The following BMP2 variants were observed in gnomAD, a reference collection of about 807,000 sequenced individuals.
BMP2 encodes bone morphogenetic protein 2A.
In BMP2, 2 loss-of-function variants were observed where a neutral mutation model predicts 28.8. The observed-to-expected ratio is 0.07, with a 90% CI of 0.03 to 0.22. The LOEUF (loss-of-function observed/expected upper bound fraction) is 0.22. Ranked by LOEUF, BMP2 falls within the 10% of genes least tolerant of loss-of-function variation. The probability of loss-of-function intolerance (pLI) is 1.00; values close to 1 mark genes in which losing one functional copy is unlikely to be tolerated. For synonymous variants in BMP2, 218 were observed against 204.3 expected, an observed-to-expected ratio of 1.07 and a Z score of -0.57; for missense variants, 437 against 517.7, an observed-to-expected ratio of 0.84 and a Z score of 1.51.
Position 6,779,076 on chromosome 20 carries a change from G to T in BMP2, c.1178G>T (p.Cys393Phe). 1 of 1,603,218 alleles carries T rather than the reference G, an allele frequency of 6.2e-7. No homozygotes were observed. The highest frequency in any genetic ancestry group is 1.7e-4 in the Middle Eastern group (1 of 6,010). Residue 393 changes from cysteine (C) to phenylalanine (F), a missense_variant, in exon 3 of 3, where the codon TGT (cysteine) becomes TTT (phenylalanine). Around this residue, in one of 2 missense-constraint regions of BMP2, gnomAD observed 74 missense variants for 124.9 expected, o/e 0.59. Transcript: ENST00000378827. ...TATCAGGACATGGTTGTGGAGGGTTGTGGGTGTCGCTAGTACAGCAAAATT... is the reference window on the plus strand; with the variant it reads ...TATCAGGACATGGTTGTGGAGGGTTTTGGGTGTCGCTAGTACAGCAAAATT... The part of the protein sequence containing the change: ...KNYQDMVVEG[C>F]GCR
chr20:6,778,788 A>G lies in BMP2; in HGVS notation c.890A>G (p.Lys297Arg). The G allele has an allele frequency of 6.2e-7, 1 of 1,614,226 alleles. No individual in the cohort carries two copies. The highest frequency in any genetic ancestry group is 1.1e-5 in the South Asian group (1 of 91,086). Reference sequence around the variant, plus strand: ...CGGAAACGCCTTAAGTCCAGCTGTAAGAGACACCCTTTGTACGTGGACTTC... The same window carrying G: ...CGGAAACGCCTTAAGTCCAGCTGTAGGAGACACCCTTTGTACGTGGACTTC... ...KQRKRLKSSC[K>R]RHPLYVDFSD... Residue 297 changes from lysine to arginine, a missense_variant, in exon 3 of 3, where the codon AAG becomes AGG. Around this residue, in one of 2 missense-constraint regions of BMP2, gnomAD observed 363 missense variants for 392.8 expected, o/e 0.92. Coordinates refer to ENST00000378827, the MANE Select transcript of BMP2 (RefSeq NM_001200.4). This position sits in a 1 kb window ranked among gnomAD's most constrained non-coding sequence, Gnocchi z 5.0.
intron 2 of BMP2, among the ~76,000 whole-genome samples, chr20:6,771,143 C>G (rs140485498): frequency 6.6e-6 from 1 of 151,942 alleles, no homozygotes; most frequent in Non-Finnish European, 1.5e-5. Context: ...CAGATAAAAG[C>G]GTTTGTAGCA....
Position 6,779,032 on chromosome 20 carries a change from A to T in BMP2, c.1134A>T (p.Glu378Asp). 6.2e-7 allele frequency: 1 copy of T among 1,613,606 alleles called. No individual in the cohort carries two copies. Among genetic ancestry groups the T allele is most frequent in the Non-Finnish European group, 8.5e-7 (1 of 1,179,924 alleles). Residue 378 changes from glutamate to aspartate, a missense_variant, in exon 3 of 3, where the codon GAA becomes GAT. This residue lies in a region of BMP2 where 74 missense variants were observed against 124.9 expected (regional missense o/e 0.59). Coordinates refer to ENST00000378827, the MANE Select transcript of BMP2 (RefSeq NM_001200.4). ...AISMLYLDEN[E>D]KVVLKNYQDM... ...CGATGCTGTACCTTGACGAGAATGAAAAGGTTGTATTAAAGAACTATCAGG... is the reference window on the plus strand; with the variant it reads ...CGATGCTGTACCTTGACGAGAATGATAAGGTTGTATTAAAGAACTATCAGG...
chr20:6,777,661 A>G lies in BMP2; in HGVS notation c.347-584A>G, dbSNP rs566137621. Among the ~76,000 whole-genome samples, 4 of 152,284 alleles carry G rather than the reference A, an allele frequency of 2.6e-5. No homozygotes were observed. In the South Asian group the frequency reaches 8.3e-4, roughly 32 times the overall value. ...GCCTTTGTCTCTGGACTTTTGAGTA[A>G]AATAGTAGGGTGTGCTTTGCAAAAT... On this transcript the variant is annotated intron_variant, in intron 2 of 2. Coordinates refer to ENST00000378827, the MANE Select transcript of BMP2 (RefSeq NM_001200.4).
rs897645620 is a variant in BMP2 at position 6,779,284 on chromosome 20, A to G, written c.*195A>G. The stretch of plus-strand genomic sequence containing the variant: ...ATATCTACGAAAAGAAGTTGGGAAA[A>G]CAAATATTTTAATCAGAGAATTATT... On this transcript the variant is annotated 3_prime_UTR_variant, in exon 3 of 3. Coordinates refer to ENST00000378827, the MANE Select transcript of BMP2 (RefSeq NM_001200.4). The G allele has an allele frequency of 3.4e-4, 68 of 197,390 alleles. No individual in the cohort carries two copies. The highest frequency in any genetic ancestry group is 1.5e-3 in the African/African-American group (66 of 42,846). The allele number at this position is 197,390 out of a possible 1,614,324, so 12.2% of individuals were successfully genotyped here. A position where few individuals can be genotyped will look rare whatever the true frequency, so the allele number is the denominator to read the frequency against.
intron 2 of BMP2, among the ~76,000 whole-genome samples, chr20:6,777,750 T>C (rs1986528745): frequency 6.6e-6 from 1 of 152,228 alleles, no homozygotes; most frequent in South Asian, 2.1e-4. Context: ...TATCGAGATT[T>C]GTAAATCATC....
At chr20:6,772,433 A>G (rs1023248607) in intron 2 of BMP2, among the ~76,000 whole-genome samples, 2 of 152,234 alleles carry the variant, frequency 1.3e-5, no homozygotes, top group African/African-American at 4.8e-5. Flanking sequence ...CATTATGACT[A>G]ATATATCATC....
In BMP2 at chr20:6,778,540, G is replaced by A. The variant is rs755006479; in HGVS notation, c.642G>A (p.Met214Ile). 1 of 1,614,198 alleles carries A rather than the reference G, an allele frequency of 6.2e-7. No homozygotes were observed. The highest frequency in any genetic ancestry group is 1.7e-5 in the Admixed American group (1 of 60,032). ...WESFDVTPAVMRWTAQGHANH... is the reference protein window; with the variant it reads ...WESFDVTPAVIRWTAQGHANH... ...GTTTTGATGTCACCCCCGCTGTGATGCGGTGGACTGCACAGGGACACGCCA... is the reference window on the plus strand; with the variant it reads ...GTTTTGATGTCACCCCCGCTGTGATACGGTGGACTGCACAGGGACACGCCA... The change falls in exon 3 of 3, where the codon ATG becomes ATA. Residue 214 changes from methionine (M) to isoleucine (I), a missense_variant. Met to Ile is a conservative substitution (Grantham distance 10). Transcript: ENST00000378827. This position sits in a 1 kb window ranked among gnomAD's most constrained non-coding sequence, Gnocchi z 5.0.
intron 2 of BMP2, among the ~76,000 whole-genome samples, chr20:6,770,811 A>C (rs1377094886): frequency 1.3e-5 from 2 of 152,174 alleles, no homozygotes; most frequent in African/African-American, 4.8e-5. Context: ...CACAGAGGGA[A>C]AAGGAGAAAA....
In BMP2 at chr20:6,778,231, C is replaced by T. The variant is rs777412859; in HGVS notation, c.347-14C>T. The T allele has an allele frequency of 6.4e-7, 1 of 1,558,824 alleles. No homozygotes were observed. Among genetic ancestry groups the T allele is most frequent in the Admixed American group, 2.1e-5 (1 of 47,294 alleles). ...CTTTTCTTTTTTCTTCCCTGTTTTTCTCTATCAAATTAGAATCTTTGGAAG... is the reference window on the plus strand; with the variant it reads ...CTTTTCTTTTTTCTTCCCTGTTTTTTTCTATCAAATTAGAATCTTTGGAAG... On this transcript the variant is annotated splice_polypyrimidine_tract_variant and intron_variant, in intron 2 of 2. Transcript: ENST00000378827. This position sits in a 1 kb window ranked among gnomAD's most constrained non-coding sequence, Gnocchi z 5.0.
Position 6,768,183 on chromosome 20 carries a change from C to G in BMP2, c.-700C>G, listed in dbSNP as rs1986293880. Reference sequence around the variant, plus strand: ...CGGCGGCCCGGGACTCGGCTCGACTCGCCGGAGAATGCGCCCGAGGACGAC... The same window carrying G: ...CGGCGGCCCGGGACTCGGCTCGACTGGCCGGAGAATGCGCCCGAGGACGAC... On this transcript the variant is annotated 5_prime_UTR_variant, in exon 1 of 3. Coordinates refer to ENST00000378827, the MANE Select transcript of BMP2 (RefSeq NM_001200.4). The G allele has an allele frequency of 1.0e-5, 4 of 398,136 alleles. No homozygotes were observed. Among genetic ancestry groups the G allele is most frequent in the Non-Finnish European group, 1.8e-5 (4 of 225,920 alleles). 24.7% of individuals were successfully genotyped at this position (398,136 alleles called of 1,614,324 possible).
rs1422008799 is a variant in BMP2 at position 6,767,934 on chromosome 20, AGCGCCGTG to A, written c.-946_-939del. ...TGGAGCACCCGGCAGAGCGCGCCACAGCGCCGTGGCCTCTGCTGCCCGGGCTGCGCCAG... is the reference window on the plus strand; with the variant it reads ...TGGAGCACCCGGCAGAGCGCGCCACAGCCTCTGCTGCCCGGGCTGCGCCAG... On this transcript the variant is annotated 5_prime_UTR_variant, in exon 1 of 3. Transcript: ENST00000378827. The A allele has an allele frequency of 2.6e-6, 1 of 390,722 alleles. No homozygotes were observed. Among genetic ancestry groups the A allele is most frequent in the East Asian group, 3.6e-5 (1 of 27,440 alleles). The allele number at this position is 390,722 out of a possible 1,614,324, so 24.2% of individuals were successfully genotyped here.
intron 2 of BMP2, among the ~76,000 whole-genome samples, chr20:6,775,343 C>T (rs973602527): frequency 2.0e-5 from 3 of 152,112 alleles, no homozygotes; most frequent in African/African-American, 7.2e-5. Context: ...CAGTTACTTT[C>T]CTGGGTTTGA....
At chr20:6,769,733 A>G (rs1481458319) in intron 1 of BMP2, among the ~76,000 whole-genome samples, 1 of 151,784 alleles carries the variant, frequency 6.6e-6, no homozygotes, top group Non-Finnish European at 1.5e-5. Context: ...AGCACTCCGC[A>G]TTTGGGTTTG....
Position 6,768,201 on chromosome 20 carries a change from A to C in BMP2, c.-682A>C, listed in dbSNP as rs1986294688. ...CTCGACTCGCCGGAGAATGCGCCCG[A>C]GGACGACGGGGCGCCAGAGCCGCGG... On this transcript the variant is annotated 5_prime_UTR_variant, in exon 1 of 3. Transcript: ENST00000378827. 2.5e-6 allele frequency: 1 copy of C among 397,840 alleles called. No individual in the cohort carries two copies. The highest frequency in any genetic ancestry group is 2.1e-5 in the African/African-American group (1 of 48,444). 24.6% of individuals were successfully genotyped at this position (397,840 alleles called of 1,614,324 possible). A position where few individuals can be genotyped will look rare whatever the true frequency, so the allele number is the denominator to read the frequency against.
Position 6,778,316 on chromosome 20 carries a change from C to T in BMP2, c.418C>T (p.Pro140Ser). The T allele has an allele frequency of 6.2e-7, 1 of 1,613,852 alleles. No homozygotes were observed. Among genetic ancestry groups the T allele is most frequent in the South Asian group, 1.1e-5 (1 of 91,024 alleles). ...RRFFFNLSSI[P>S]TEEFITSAEL... ...ATTCTTCTTTAATTTAAGTTCTATC[C>T]CCACGGAGGAGTTTATCACCTCAGC... Residue 140 changes from proline to serine, a missense_variant, in exon 3 of 3, where the codon CCC becomes TCC. Transcript: ENST00000378827. The surrounding 1 kb of genome is among the most constrained non-coding windows in gnomAD (Gnocchi z 5.0).
Position 6,768,174 on chromosome 20 carries a change from G to C in BMP2, c.-709G>C. Reference sequence around the variant, plus strand: ...CACCCGCCTCGGCGGCCCGGGACTCGGCTCGACTCGCCGGAGAATGCGCCC... The same window carrying C: ...CACCCGCCTCGGCGGCCCGGGACTCCGCTCGACTCGCCGGAGAATGCGCCC... On this transcript the variant is annotated 5_prime_UTR_variant, in exon 1 of 3. Transcript: ENST00000378827. 2 of 398,394 alleles carry C rather than the reference G, an allele frequency of 5.0e-6. No individual in the cohort carries two copies. The highest frequency in any genetic ancestry group is 8.9e-6 in the Non-Finnish European group (2 of 225,948). The allele number at this position is 398,394 out of a possible 1,614,324, so 24.7% of individuals were successfully genotyped here.
Position 6,770,050 on chromosome 20 carries a change from G to A in BMP2, c.-7-70G>A, listed in dbSNP as rs961640875. Reference sequence around the variant, plus strand: ...AGGCACGCCAGCCAAATGGGAGACCGGGCCGCGGGGGCGCGAGGGGGGAGG... The same window carrying A: ...AGGCACGCCAGCCAAATGGGAGACCAGGCCGCGGGGGCGCGAGGGGGGAGG... On this transcript the variant is annotated intron_variant, in intron 1 of 2. Transcript: ENST00000378827. The A allele has an allele frequency of 6.2e-6, 9 of 1,444,828 alleles. No homozygotes were observed. In the Admixed American group the frequency reaches 9.1e-5, roughly 15 times the overall value. 89.5% of individuals were successfully genotyped at this position (1,444,828 alleles called of 1,614,324 possible). A position where few individuals can be genotyped will look rare whatever the true frequency, so the allele number is the denominator to read the frequency against.
Position 6,778,463 on chromosome 20 carries a change from A to T in BMP2, c.565A>T (p.Thr189Ser). ...PATANSKFPVTRLLDTRLVNQ... is the reference protein window; with the variant it reads ...PATANSKFPVSRLLDTRLVNQ... ...AACAGCCAACTCGAAATTCCCCGTGACCAGACTTTTGGACACCAGGTTGGT... is the reference window on the plus strand; with the variant it reads ...AACAGCCAACTCGAAATTCCCCGTGTCCAGACTTTTGGACACCAGGTTGGT... The change falls in exon 3 of 3, where the codon ACC becomes TCC. Residue 189 changes from threonine (T) to serine (S), a missense_variant. Physicochemically the swap from Thr to Ser is moderately conservative, Grantham distance 58. Transcript: ENST00000378827. This position sits in a 1 kb window ranked among gnomAD's most constrained non-coding sequence, Gnocchi z 5.0. The T allele has an allele frequency of 3.1e-6, 5 of 1,614,218 alleles. No homozygotes were observed. Among genetic ancestry groups the T allele is most frequent in the Non-Finnish European group, 4.2e-6 (5 of 1,180,042 alleles).
Sources: gnomAD v4.1 joint callset for allele counts (sites outside exome capture counted in the v4.1 genomes callset) on GRCh38, gnomAD v4.1.1 for gene constraint, gnomAD v4.1.1 regional missense constraint, Gnocchi (gnomAD v3.1) non-coding constraint, MANE v1.5 for transcripts, NCBI Gene and HGNC (gene_info 2026-07-23, HGNC 2026-07-21) for gene names.